The following SIMC1 variants were observed in gnomAD, a reference collection of about 807,000 sequenced individuals.
SIMC1 encodes the protein SUMO-interacting motif-containing protein 1.
SIMC1 carries 55 observed loss-of-function variants against 82.3 expected under a neutral mutation model. That is an observed-to-expected ratio of 0.67 (90% CI 0.54 to 0.84). The LOEUF (loss-of-function observed/expected upper bound fraction) is 0.84, where lower values mean the gene tolerates loss of function less well. SIMC1 is among the 40% of genes least tolerant of loss of function. SIMC1 has a pLI of 0.00. For synonymous variants in SIMC1, 353 were observed against 426.3 expected (o/e 0.83, Z 2.12); for missense variants, 915 against 1,107.2 (o/e 0.83, Z 2.46).
rs377083402 is a variant in SIMC1 at position 176,276,581 on chromosome 5, A to G, written c.130-13073A>G. ...CATCTAGCATTAGGTATATCTCCCA[A>G]TGCTATCCCTCCCCCCTCCCCCCAC... On this transcript the variant is annotated intron_variant, in intron 1 of 9. Transcript: ENST00000429602. Among the ~76,000 whole-genome samples, 11 of 138,358 alleles carry G rather than the reference A, an allele frequency of 8.0e-5. 1 individual carries two copies. The highest frequency in any genetic ancestry group is 1.7e-4 in the Non-Finnish European group (11 of 63,608). The allele number at this position is 138,358 out of a possible 152,430, so 90.8% of individuals were successfully genotyped here.
At chr5:176,272,866 A>C (rs969381607) in intron 1 of SIMC1, among the ~76,000 whole-genome samples, 1 of 152,200 alleles carries the variant, frequency 6.6e-6, no homozygotes, top group African/African-American at 2.4e-5. Context: ...TTGAACTGCA[A>C]GGTGCCAGCG....
At chr5:176,276,343 A>G (rs1762694317) in intron 1 of SIMC1, among the ~76,000 whole-genome samples, 1 of 150,114 alleles carries the variant, frequency 6.7e-6, no homozygotes, top group Non-Finnish European at 1.5e-5. Context: ...TTTTATTGCG[A>G]CTGTTTGATT....
rs560480761 is a variant in SIMC1 at position 176,284,655 on chromosome 5, G to A, written c.130-4999G>A. 1.1e-4 allele frequency among the ~76,000 whole-genome samples: 16 copies of A among 152,110 alleles called. No individual in the cohort carries two copies. In the South Asian group the frequency reaches 2.7e-3, roughly 26 times the overall value. ...CAACCACATTCAAAAGCTAGCCAGCGGAAGGCAAGAAATAACTAAGATCAG... is the reference window on the plus strand; with the variant it reads ...CAACCACATTCAAAAGCTAGCCAGCAGAAGGCAAGAAATAACTAAGATCAG... On this transcript the variant is annotated intron_variant, in intron 1 of 9. Transcript: ENST00000429602.
Position 176,345,614 on chromosome 5 carries a change from C to A in SIMC1, c.*169C>A. 1.7e-6 allele frequency: 1 copy of A among 579,440 alleles called. No homozygotes were observed. Among genetic ancestry groups the A allele is most frequent in the Non-Finnish European group, 2.7e-6 (1 of 368,750 alleles). The allele number at this position is 579,440 out of a possible 1,614,324, so 35.9% of individuals were successfully genotyped here. On this transcript the variant is annotated 3_prime_UTR_variant, in exon 10 of 10. Transcript: ENST00000429602. ...AGTAAATATCTTTTTTTAAATAATC[C>A]TATCCTAGCCTGTTCTCAAATATGG...
chr5:176,245,277 G>A (rs1024048466), intron 1 of SIMC1, among the ~76,000 whole-genome samples: 6 of 152,202 alleles, frequency 3.9e-5, no homozygotes, highest in African/African-American at 1.2e-4. Flanking sequence ...CCATGTGACA[G>A]TGGAAGCAGA....
At chr5:176,265,853 C>T (rs1472221719) in intron 1 of SIMC1, among the ~76,000 whole-genome samples, 5 of 151,818 alleles carry the variant, frequency 3.3e-5, no homozygotes, top group Middle Eastern at 3.4e-3. Context: ...ATTTATTAAT[C>T]GTGTTGGATC....
intron 1 of SIMC1, among the ~76,000 whole-genome samples, chr5:176,265,585 AAAATAG>A (rs1762175597): frequency 6.6e-6 from 1 of 152,050 alleles, no homozygotes; most frequent in Admixed American, 6.6e-5. Context: ...ACAATGTCTG[AAAATAG>A]GGTTAATTAG....
chr5:176,283,140 A>C (rs4868627), intron 1 of SIMC1, among the ~76,000 whole-genome samples: 111,651 of 152,100 alleles, frequency 0.73, 41,150 homozygotes, highest in Middle Eastern at 0.84. Context: ...CCTAGCAAGG[A>C]AGGCCAACAT....
intron 1 of SIMC1, among the ~76,000 whole-genome samples, chr5:176,278,510 A>G (rs201896054): frequency 4.1e-5 from 2 of 48,662 alleles, no homozygotes; most frequent in Non-Finnish European, 9.0e-5. Flanking sequence ...GTGAGAGAGG[A>G]CATCCCTGTC....
intron 4 of SIMC1, among the ~76,000 whole-genome samples, chr5:176,306,577 C>T (rs558453337): frequency 4.1e-4 from 62 of 151,186 alleles, no homozygotes; most frequent in African/African-American, 1.4e-3. Flanking sequence ...AAGAAAAATT[C>T]CTCTGCCTTG....
rs759347270 is a variant in SIMC1 at position 176,322,275 on chromosome 5, A to T, written c.1892A>T (p.Asp631Val). The change falls in exon 6 of 10, where the codon GAT becomes GTT. Residue 631 changes from aspartate to valine, a missense_variant and splice_region_variant. Around this residue, in one of 2 missense-constraint regions of SIMC1, gnomAD observed 902 missense variants for 1,040.3 expected, o/e 0.87. Transcript: ENST00000429602. ...SCDKQPHNVRDVIKWLVKAVT... is the reference protein window; with the variant it reads ...SCDKQPHNVRVVIKWLVKAVT... ...TTTCTTTCTTTTTTCCATTACAGGG[A>T]TGTTATCAAGTGGCTGGTCAAAGCA... is the stretch of plus-strand genomic sequence containing the variant. 2.6e-6 allele frequency: 4 copies of T among 1,557,994 alleles called. No homozygotes were observed. Among genetic ancestry groups the T allele is most frequent in the Admixed American group, 1.9e-5 (1 of 51,400 alleles).
At position 176,345,191 on chromosome 5, in the gene SIMC1, A is replaced by G. The variant is rs761381158; in HGVS notation, c.2422A>G (p.Arg808Gly). Residue 808 changes from arginine to glycine, a missense_variant, in exon 10 of 10, where the codon AGG (arginine) becomes GGG (glycine). Arg to Gly is a moderately radical substitution (Grantham distance 125, BLOSUM62 -2). This residue lies in a region of SIMC1 where 902 missense variants were observed against 1,040.3 expected (regional missense o/e 0.87). Coordinates refer to ENST00000429602, the MANE Select transcript of SIMC1 (RefSeq NM_001308195.2). Reference protein sequence around the residue: ...SYQHVLREHLRSSVIDRKDLI... With the variant: ...SYQHVLREHLGSSVIDRKDLI... Reference sequence around the variant, plus strand: ...TTTTTTCCCTCTTGCAGAACACTTAAGGAGTTCCGTGATCGACCGAAAGGA... The same window carrying G: ...TTTTTTCCCTCTTGCAGAACACTTAGGGAGTTCCGTGATCGACCGAAAGGA... 4.3e-6 allele frequency: 7 copies of G among 1,613,812 alleles called. No homozygotes were observed. In the South Asian group the frequency reaches 5.5e-5, roughly 13 times the overall value.
At chr5:176,276,996 A>G (rs1406597900) in intron 1 of SIMC1, among the ~76,000 whole-genome samples, 1 of 150,900 alleles carries the variant, frequency 6.6e-6, no homozygotes, top group East Asian at 1.9e-4. Context: ...TGGTATTTCC[A>G]GTTCCAGATC....
At chr5:176,252,904 G>A (rs1321510151) in intron 1 of SIMC1, among the ~76,000 whole-genome samples, 3 of 152,196 alleles carry the variant, frequency 2.0e-5, no homozygotes, top group Non-Finnish European at 2.9e-5. Flanking sequence ...TCGGGAGGCT[G>A]AGGCTGGCAG....
chr5:176,299,843 G>C (rs1193944674), intron 4 of SIMC1, among the ~76,000 whole-genome samples: 1 of 152,152 alleles, frequency 6.6e-6, no homozygotes, highest in Non-Finnish European at 1.5e-5. Context: ...TCAAGTGTAC[G>C]TGGAATTTTC....
At chr5:176,304,900 C>T (rs1161277543) in intron 4 of SIMC1, among the ~76,000 whole-genome samples, 1 of 144,028 alleles carries the variant, frequency 6.9e-6, no homozygotes, top group Admixed American at 6.8e-5. Flanking sequence ...AGGTGACGAG[C>T]GTCTCTGCCC....
At chr5:176,338,551 A>T (rs1208691147) in intron 9 of SIMC1, among the ~76,000 whole-genome samples, 1 of 152,214 alleles carries the variant, frequency 6.6e-6, no homozygotes, top group Non-Finnish European at 1.5e-5. Context: ...ATTTTTGATA[A>T]TCATACTGGA....
chr5:176,339,296 G>A (rs959023303), intron 9 of SIMC1, among the ~76,000 whole-genome samples: 6 of 152,252 alleles, frequency 3.9e-5, no homozygotes, highest in African/African-American at 1.4e-4. Flanking sequence ...CCCGGGAGGT[G>A]GAGGTTGCAG....
chr5:176,298,729 T>C (rs1409246716), intron 4 of SIMC1, among the ~76,000 whole-genome samples: 17 of 152,230 alleles, frequency 1.1e-4, no homozygotes, highest in Non-Finnish European at 1.5e-5. Context: ...GGTTTTTGTA[T>C]GCAACTGAAG....
Sources: allele counts gnomAD v4.1 joint callset (sites outside exome capture counted in the v4.1 genomes callset), GRCh38; gene constraint gnomAD v4.1.1; regional missense constraint gnomAD v4.1.1; transcripts MANE v1.5; gene names NCBI Gene and HGNC (gene_info 2026-07-23, HGNC 2026-07-21).